PCDHGA8: variants seen among roughly 807,000 people sequenced by gnomAD.
PCDHGA8 encodes the protein protocadherin gamma subfamily A, 8.
In PCDHGA8, 45 loss-of-function variants were observed where a neutral mutation model predicts 59.2. The observed-to-expected ratio is 0.76, with a 90% CI of 0.60 to 0.98. The LOEUF is 0.98. Ranked by LOEUF, PCDHGA8 falls within the 50% of genes least tolerant of loss-of-function variation. The pLI, the probability that PCDHGA8 is intolerant of heterozygous loss-of-function variation, is 0.00. For missense variants in PCDHGA8, 1,257 were observed against 1,196.2 expected (o/e 1.05, Z -0.75); for synonymous variants, 531 against 519.0 (o/e 1.02, Z -0.32).
chr5:141,436,121 C>T (rs2097796819), intron 1 of PCDHGA8, among the ~76,000 whole-genome samples: 1 of 152,154 alleles, frequency 6.6e-6, no homozygotes, highest in Admixed American at 6.5e-5. Context: ...AAACCTCTCT[C>T]CTCCATCATC....
intron 1 of PCDHGA8, among the ~76,000 whole-genome samples, chr5:141,433,853 A>C (rs934981508): frequency 1.3e-5 from 2 of 151,912 alleles, no homozygotes; most frequent in African/African-American, 2.4e-5. Context: ...AAAAAAAAAA[A>C]AACTTTATCC....
chr5:141,393,017 C>T lies in PCDHGA8; in HGVS notation c.204C>T (p.Ser68=), dbSNP rs1192044321. 2 of 1,613,754 alleles carry T rather than the reference C, an allele frequency of 1.2e-6. No homozygotes were observed. The highest frequency in any genetic ancestry group is 1.7e-6 in the Non-Finnish European group (2 of 1,179,894). Residue 68 remains serine (S), a synonymous_variant, in exon 1 of 4, where the codon TCC becomes TCT. Coordinates refer to ENST00000398604, the MANE Select transcript of PCDHGA8 (RefSeq NM_032088.2). ...CGAAGCACGGAGTCCGTATCGTCTCCAGAGGTAGGACGCAGCTCTTTGCTC... is the reference window on the plus strand; with the variant it reads ...CGAAGCACGGAGTCCGTATCGTCTCTAGAGGTAGGACGCAGCTCTTTGCTC... The part of the protein sequence containing the change: ...KLAKHGVRIV[S]RGRTQLFALN...
chr5:141,428,430 GA>G, intron 1 of PCDHGA8: 1 of 421,748 alleles, frequency 2.4e-6, no homozygotes. Flanking sequence ...TCTGTTCTAA[GA>G]CTAGACCAGG....
In PCDHGA8 at chr5:141,432,255, C is replaced by T. The variant is rs1561859576; in HGVS notation, c.2424+37018C>T. The T allele has an allele frequency of 6.2e-7, 1 of 1,614,246 alleles. No individual in the cohort carries two copies. The highest frequency in any genetic ancestry group is 8.5e-7 in the Non-Finnish European group (1 of 1,180,048). On this transcript the variant is annotated intron_variant, in intron 1 of 3. Transcript: ENST00000398604. This position sits in a 1 kb window ranked among gnomAD's most constrained non-coding sequence, Gnocchi z 6.0. The stretch of plus-strand genomic sequence containing the variant: ...CTGGCTGAGAACACCATCCAAGGGG[C>T]AAGCCTATCGTCCTACGTGTCCATC...
chr5:141,423,730 A>G, intron 1 of PCDHGA8: 1 of 831,022 alleles, frequency 1.2e-6, no homozygotes. Flanking sequence ...ATGTTTTTTG[A>G]GCCTGTTATG....
chr5:141,428,546 A>C (rs1476382847), intron 1 of PCDHGA8: 1 of 263,642 alleles, frequency 3.8e-6, no homozygotes, highest in Non-Finnish European at 7.5e-6. Flanking sequence ...ATGACACCAG[A>C]AACAGTCCCC....
In PCDHGA8 at chr5:141,477,602, C is replaced by G. The variant is rs772296229; in HGVS notation, c.2425-17205C>G. ...GCAGAATGCTCGGCTTTCTTTCTTT[C>G]TCTTGGAGCAAGGAGCTGAAACCGG... On this transcript the variant is annotated intron_variant, in intron 1 of 3. Coordinates refer to ENST00000398604, the MANE Select transcript of PCDHGA8 (RefSeq NM_032088.2). This position sits in a 1 kb window ranked among gnomAD's most constrained non-coding sequence, Gnocchi z 4.9. 6.2e-7 allele frequency: 1 copy of G among 1,614,098 alleles called. No homozygotes were observed. Among genetic ancestry groups the G allele is most frequent in the East Asian group, 2.2e-5 (1 of 44,898 alleles).
intron 1 of PCDHGA8, among the ~76,000 whole-genome samples, chr5:141,406,446 CTA>C: frequency 6.6e-6 from 1 of 152,200 alleles, no homozygotes; most frequent in Non-Finnish European, 1.5e-5. Context: ...TCTTCCATTT[CTA>C]TGACAGGAAA....
At chr5:141,423,227 A>C (rs1305722929) in intron 1 of PCDHGA8, 5 of 1,613,634 alleles carry the variant, frequency 3.1e-6, no homozygotes, top group Non-Finnish European at 2.5e-6. Context: ...GCTGTGGCCG[A>C]CAGCATCCCC....
chr5:141,398,017 A>AAACTGG (rs1270977201), intron 1 of PCDHGA8: 25 of 1,422,582 alleles, frequency 1.8e-5, no homozygotes, highest in Non-Finnish European at 2.2e-5. Context: ...ATCGTTTCCT[A>AAACTGG]AACTGGAACT....
chr5:141,399,955 C>G, intron 1 of PCDHGA8: 1 of 1,612,146 alleles, frequency 6.2e-7, no homozygotes. Flanking sequence ...GGCTAGCGAG[C>G]CCGGGCTCTT....
At position 141,422,119 on chromosome 5, in the gene PCDHGA8, C is replaced by T. The variant is rs778866054; in HGVS notation, c.2424+26882C>T. 26 of 1,603,658 alleles carry T rather than the reference C, an allele frequency of 1.6e-5. No homozygotes were observed. In the Admixed American group the frequency reaches 4.2e-4, roughly 26 times the overall value. ...TTCTGAAATATTCCAATTGGATTCA[C>T]AAACTGGAGAAGTTCAAGTACGGGG... On this transcript the variant is annotated intron_variant, in intron 1 of 3. Transcript: ENST00000398604.
In PCDHGA8 at chr5:141,489,098, T is replaced by C; in HGVS notation, c.2425-5709T>C. 1 of 293,346 alleles carries C rather than the reference T, an allele frequency of 3.4e-6. No homozygotes were observed. The highest frequency in any genetic ancestry group is 5.5e-5 in the South Asian group (1 of 18,124). The allele number at this position is 293,346 out of a possible 1,614,324, so 18.2% of individuals were successfully genotyped here. A position where few individuals can be genotyped will look rare whatever the true frequency, so the allele number is the denominator to read the frequency against. ...CCCCCGCCACTCGGTGACTAAGAAC[T>C]GCTGCAAGCAGGCAAACCTCCGAGC... On this transcript the variant is annotated intron_variant, in intron 1 of 3. Transcript: ENST00000398604. The surrounding 1 kb of genome is among the most constrained non-coding windows in gnomAD (Gnocchi z 4.5).
rs372479779 is a variant in PCDHGA8, at chr5:141,399,808, C to T, written c.2424+4571C>T. On this transcript the variant is annotated intron_variant, in intron 1 of 3. Coordinates refer to ENST00000398604, the MANE Select transcript of PCDHGA8 (RefSeq NM_032088.2). The stretch of plus-strand genomic sequence containing the variant: ...CGACAACGCACCGCGGGTGCTGTAC[C>T]CCGCGCTGGGTCCCGACGGCTCTGC... 72 of 1,613,090 alleles carry T rather than the reference C, an allele frequency of 4.5e-5. No homozygotes were observed. The highest frequency in any genetic ancestry group is 6.0e-5 in the Non-Finnish European group (71 of 1,179,762).
chr5:141,400,003 C>T, intron 1 of PCDHGA8: 5 of 1,612,396 alleles, frequency 3.1e-6, no homozygotes, highest in Non-Finnish European at 4.2e-6. Flanking sequence ...GCGCACAGCG[C>T]GTGCCTTGGG....
chr5:141,489,091 T>C lies in PCDHGA8; in HGVS notation c.2425-5716T>C. 1 of 333,052 alleles carries C rather than the reference T, an allele frequency of 3.0e-6. No individual in the cohort carries two copies. The highest frequency in any genetic ancestry group is 5.5e-6 in the Non-Finnish European group (1 of 181,380). 20.6% of individuals were successfully genotyped at this position (333,052 alleles called of 1,614,324 possible). On this transcript the variant is annotated intron_variant, in intron 1 of 3. Coordinates refer to ENST00000398604, the MANE Select transcript of PCDHGA8 (RefSeq NM_032088.2). This position sits in a 1 kb window ranked among gnomAD's most constrained non-coding sequence, Gnocchi z 4.5. ...CTGCCCACCCCCGCCACTCGGTGAC[T>C]AAGAACTGCTGCAAGCAGGCAAACC...
chr5:141,393,534 G>GA lies in PCDHGA8; in HGVS notation c.721_722insA (p.Val241AspfsTer13). On this transcript the variant is annotated frameshift_variant, in exon 1 of 4. Transcript: ENST00000398604. LOFTEE classifies it high-confidence loss of function. ...GTTGGATACAAATGACAATGCCCCG[G>GA]TTTTTCCTCACCCGATTTACCGAGT... 1 of 1,613,928 alleles carries GA rather than the reference G, an allele frequency of 6.2e-7. No individual in the cohort carries two copies. The highest frequency in any genetic ancestry group is 8.5e-7 in the Non-Finnish European group (1 of 1,179,894).
intron 3 of PCDHGA8, among the ~76,000 whole-genome samples, chr5:141,509,347 C>A (rs755234053): frequency 2.6e-5 from 4 of 152,142 alleles, no homozygotes; most frequent in Non-Finnish European, 5.9e-5. Context: ...CCTGGGCTGG[C>A]CTGGGCATCC....
chr5:141,398,656 A>G, intron 1 of PCDHGA8: 1 of 1,614,034 alleles, frequency 6.2e-7, no homozygotes, highest in African/African-American at 1.3e-5. Context: ...TCTTAACCCA[A>G]GTTTCTCATT....
Sources: gnomAD v4.1 joint callset for allele counts (sites outside exome capture counted in the v4.1 genomes callset) on GRCh38, gnomAD v4.1.1 for gene constraint, Gnocchi (gnomAD v3.1) non-coding constraint, MANE v1.5 for transcripts, NCBI Gene and HGNC (gene_info 2026-07-23, HGNC 2026-07-21) for gene names.